The following SLC25A21 variants were observed in gnomAD, a reference collection of about 807,000 sequenced individuals.
SLC25A21 encodes the protein mitochondrial 2-oxodicarboxylate carrier.
In SLC25A21, 47 loss-of-function variants were observed where a neutral mutation model predicts 43.8. The ratio of observed to expected loss-of-function variants is 1.07; its 90% CI spans 0.85 to 1.37. The LOEUF is 1.37. Ranked by LOEUF, SLC25A21 falls within the 40% of genes most tolerant of loss-of-function variation. The pLI, the probability that SLC25A21 is intolerant of heterozygous loss-of-function variation, is 0.00. For synonymous variants in SLC25A21, 131 were observed against 121.3 expected (o/e 1.08, Z -0.52); for missense variants, 352 against 350.2 (o/e 1.00, Z -0.04).
At chr14:37,056,913 C>A (rs940702246) in intron 1 of SLC25A21, among the ~76,000 whole-genome samples, 1 of 152,144 alleles carries the variant, frequency 6.6e-6, no homozygotes, top group Non-Finnish European at 1.5e-5. Context: ...TCAAAATCTT[C>A]TCATTTTTCT....
At chr14:37,146,578 T>G (rs537414100) in intron 1 of SLC25A21, among the ~76,000 whole-genome samples, 1 of 152,190 alleles carries the variant, frequency 6.6e-6, no homozygotes, top group Non-Finnish European at 1.5e-5. Flanking sequence ...ATGAAGCTAA[T>G]AGTCTACTGA....
chr14:36,741,514 C>T (rs1411861841), intron 3 of SLC25A21, among the ~76,000 whole-genome samples: 1 of 152,134 alleles, frequency 6.6e-6, no homozygotes, highest in Non-Finnish European at 1.5e-5. Context: ...TGGGGCTTTC[C>T]CTGGTTGTCA....
At chr14:37,146,857 G>A (rs781552062) in intron 1 of SLC25A21, among the ~76,000 whole-genome samples, 17 of 152,134 alleles carry the variant, frequency 1.1e-4, no homozygotes, top group Non-Finnish European at 1.6e-4. Flanking sequence ...ATTCATATAC[G>A]CCGCACAAAA....
intron 2 of SLC25A21, among the ~76,000 whole-genome samples, chr14:36,849,793 T>C (rs1291691140): frequency 6.6e-6 from 1 of 152,208 alleles, no homozygotes; most frequent in African/African-American, 2.4e-5. Flanking sequence ...ATGAATTCAT[T>C]AGAACCTCTC....
At chr14:37,131,667 T>C (rs1963393398) in intron 1 of SLC25A21, among the ~76,000 whole-genome samples, 1 of 152,192 alleles carries the variant, frequency 6.6e-6, no homozygotes, top group Admixed American at 6.5e-5. Context: ...CTCCAAGAAT[T>C]GGCAACGGTC....
At chr14:36,853,327 C>T (rs1389410291) in intron 2 of SLC25A21, among the ~76,000 whole-genome samples, 7 of 152,182 alleles carry the variant, frequency 4.6e-5, no homozygotes, top group Admixed American at 2.0e-4. Flanking sequence ...ATTGTCTGAA[C>T]GCTTCTCATC....
intron 1 of SLC25A21, among the ~76,000 whole-genome samples, chr14:37,170,549 T>C (rs1001263133): frequency 2.6e-5 from 4 of 152,114 alleles, no homozygotes; most frequent in Non-Finnish European, 5.9e-5. Context: ...ACCTTAGGCA[T>C]TGCGGAATTT....
intron 1 of SLC25A21, among the ~76,000 whole-genome samples, chr14:36,922,727 C>T (rs1310136316): frequency 6.6e-6 from 1 of 152,042 alleles, no homozygotes; most frequent in Admixed American, 6.6e-5. Flanking sequence ...TCAGTATAGA[C>T]TCCAGAGGGG....
At chr14:36,868,081 A>G (rs965109544) in intron 2 of SLC25A21, among the ~76,000 whole-genome samples, 2 of 152,112 alleles carry the variant, frequency 1.3e-5, no homozygotes, top group Non-Finnish European at 2.9e-5. Context: ...AGCCTATATA[A>G]GAAAAGGAGA....
rs545294472 is a variant in SLC25A21 at position 36,744,044 on chromosome 14, C to T, written c.204-9471G>A. ...ATTGAGAAAAGAATCATAGATGACA[C>T]AAACAAGTGGGAAAAAATCCTATAC... On this transcript the variant is annotated intron_variant, in intron 3 of 9. Coordinates refer to ENST00000331299, the MANE Select transcript of SLC25A21 (RefSeq NM_030631.4). Among the ~76,000 whole-genome samples, 8 of 152,152 alleles carry T rather than the reference C, an allele frequency of 5.3e-5. 1 individual carries two copies. In the South Asian group the frequency reaches 1.5e-3, roughly 28 times the overall value.
rs1426500302 is a variant in SLC25A21, at chr14:36,913,971, G to C, written c.71-38967C>G. On this transcript the variant is annotated intron_variant, in intron 1 of 9. Transcript: ENST00000331299. ...ATTGATTACATAGCATAATTGCTAA[G>C]TTGTGTGATCATAAGTCATATAACA... is the stretch of plus-strand genomic sequence containing the variant. 3.9e-5 allele frequency among the ~76,000 whole-genome samples: 6 copies of C among 152,294 alleles called. No homozygotes were observed. The East Asian group carries it at 1.2e-3, about 29-fold the overall frequency.
At chr14:36,948,236 AT>A (rs1268739434) in intron 1 of SLC25A21, among the ~76,000 whole-genome samples, 2 of 152,154 alleles carry the variant, frequency 1.3e-5, no homozygotes, top group Non-Finnish European at 2.9e-5. Context: ...AGTGGCTTCG[AT>A]TTTTTTATTT....
chr14:37,033,977 C>T (rs1417277732), intron 1 of SLC25A21, among the ~76,000 whole-genome samples: 1 of 151,826 alleles, frequency 6.6e-6, no homozygotes, highest in Non-Finnish European at 1.5e-5. Flanking sequence ...ATAAGGTTCC[C>T]AAATGGCACT....
At chr14:36,895,133 A>AC (rs1209034280) in intron 1 of SLC25A21, among the ~76,000 whole-genome samples, 1 of 152,076 alleles carries the variant, frequency 6.6e-6, no homozygotes, top group Non-Finnish European at 1.5e-5. Flanking sequence ...TCCTCCTTAT[A>AC]CCTCTGGTAG....
rs200618897 is a variant in SLC25A21 at position 37,149,310 on chromosome 14, GA to G, written c.70+22970del. ...ACAGAAAATCTACTGTCACTTTCTT[GA>G]TGCTTTATGAGGCAAACCTAATGAA... On this transcript the variant is annotated intron_variant, in intron 1 of 9. Coordinates refer to ENST00000331299, the MANE Select transcript of SLC25A21 (RefSeq NM_030631.4). 8.7e-4 allele frequency among the ~76,000 whole-genome samples: 133 copies of G among 152,216 alleles called. 2 individuals are homozygous for G. The East Asian group carries it at 0.024, about 27-fold the overall frequency.
chr14:36,849,921 T>G (rs1391665729), intron 2 of SLC25A21, among the ~76,000 whole-genome samples: 1 of 152,206 alleles, frequency 6.6e-6, no homozygotes, highest in Non-Finnish European at 1.5e-5. Flanking sequence ...AATATGCCTA[T>G]TCAAATCTTT....
At chr14:37,061,704 T>C (rs1187954819) in intron 1 of SLC25A21, among the ~76,000 whole-genome samples, 1 of 152,224 alleles carries the variant, frequency 6.6e-6, no homozygotes, top group Non-Finnish European at 1.5e-5. Flanking sequence ...TCCTTTTCCC[T>C]GAGACAAGAA....
At chr14:37,019,756 G>T (rs2138751880) in intron 1 of SLC25A21, among the ~76,000 whole-genome samples, 1 of 152,006 alleles carries the variant, frequency 6.6e-6, no homozygotes, top group South Asian at 2.1e-4. Context: ...ACTGAGGCTA[G>T]AAAGGGACAT....
chr14:36,915,972 C>A (rs1345872090), intron 1 of SLC25A21, among the ~76,000 whole-genome samples: 1 of 152,152 alleles, frequency 6.6e-6, no homozygotes, highest in African/African-American at 2.4e-5. Context: ...ATGGCTGCTG[C>A]ATACCTGGAA....
Sources: gnomAD v4.1 joint callset for allele counts (sites outside exome capture counted in the v4.1 genomes callset) on GRCh38, gnomAD v4.1.1 for gene constraint, MANE v1.5 for transcripts, NCBI Gene and HGNC (gene_info 2026-07-23, HGNC 2026-07-21) for gene names.